PHACTR4: variants seen among roughly 807,000 people sequenced by gnomAD.
PHACTR4 encodes phosphatase and actin regulator 4, also known as protein phosphatase 1, regulatory subunit 124.
Under a neutral mutation model 72.7 loss-of-function variants are expected in PHACTR4, and 51 were observed. The observed-to-expected ratio is 0.70, with a 90% CI of 0.56 to 0.89. The LOEUF (loss-of-function observed/expected upper bound fraction) is 0.89, where lower values mean the gene tolerates loss of function less well. Ranked by LOEUF, PHACTR4 falls within the 40% of genes least tolerant of loss-of-function variation. The pLI is 0.00. For missense variants in PHACTR4, 731 were observed against 861.8 expected (o/e 0.85, Z 1.90); for synonymous variants, 255 against 302.5 (o/e 0.84, Z 1.63).
rs1350519553 is a variant in PHACTR4 at position 28,396,844 on chromosome 1, TC to T, written c.-38-10565del. Among the ~76,000 whole-genome samples the T allele has an allele frequency of 1.2e-4, 10 of 80,732 alleles. No individual in the cohort carries two copies. In the East Asian group the frequency reaches 2.5e-3, roughly 20 times the overall value. The allele number at this position is 80,732 out of a possible 152,430, so 53.0% of individuals were successfully genotyped here. A position where few individuals can be genotyped will look rare whatever the true frequency, so the allele number is the denominator to read the frequency against. On this transcript the variant is annotated intron_variant, in intron 1 of 13. Coordinates refer to ENST00000373839, the MANE Select transcript of PHACTR4 (RefSeq NM_001048183.3). ...CGGCTAATTTCTTTCTTTCTTTCTTTCTTTTTTTTTTTTTTTTTTTGTATTT... is the reference window on the plus strand; with the variant it reads ...CGGCTAATTTCTTTCTTTCTTTCTTTTTTTTTTTTTTTTTTTTTTGTATTT...
intron 2 of PHACTR4, among the ~76,000 whole-genome samples, chr1:28,452,875 T>C (rs1251509811): frequency 6.7e-6 from 1 of 148,402 alleles, no homozygotes; most frequent in African/African-American, 2.5e-5. Context: ...TCCCAGCACT[T>C]TGGGAGGCCA....
chr1:28,434,382 C>T (rs1176966491), intron 2 of PHACTR4, among the ~76,000 whole-genome samples: 5 of 151,006 alleles, frequency 3.3e-5, no homozygotes, highest in Non-Finnish European at 5.9e-5. Flanking sequence ...AATGCAGTAG[C>T]GCTATCTTGG....
At chr1:28,399,587 A>AT (rs1374384470) in intron 1 of PHACTR4, among the ~76,000 whole-genome samples, 10 of 152,058 alleles carry the variant, frequency 6.6e-5, no homozygotes, top group African/African-American at 2.4e-4. Context: ...GTGTTCATTT[A>AT]TTTATTCAGT....
chr1:28,456,009 T>C (rs1357280474), intron 2 of PHACTR4, among the ~76,000 whole-genome samples: 1 of 152,190 alleles, frequency 6.6e-6, no homozygotes, highest in Non-Finnish European at 1.5e-5. Flanking sequence ...ATTTTTTTTA[T>C]ACATATTTTG....
intron 1 of PHACTR4, among the ~76,000 whole-genome samples, chr1:28,378,484 CAG>C (rs1158968778): frequency 6.6e-6 from 1 of 151,226 alleles, no homozygotes; most frequent in Non-Finnish European, 1.5e-5. Context: ...GCCTGGGTGA[CAG>C]AGTGAGACTT....
At chr1:28,452,663 G>A (rs1481841232) in intron 2 of PHACTR4, among the ~76,000 whole-genome samples, 1 of 151,490 alleles carries the variant, frequency 6.6e-6, no homozygotes, top group Non-Finnish European at 1.5e-5. Flanking sequence ...GGGCGTGGTG[G>A]TACACGCCTA....
At chr1:28,438,448 G>A in intron 2 of PHACTR4, 1 of 1,611,828 alleles carries the variant, frequency 6.2e-7, no homozygotes, top group African/African-American at 1.3e-5. Context: ...ATAGAAGGCA[G>A]AGAAACAGAA....
chr1:28,476,028 T>C lies in PHACTR4; in HGVS notation c.1422-79T>C, dbSNP rs572954988. 3 of 1,399,898 alleles carry C rather than the reference T, an allele frequency of 2.1e-6. No homozygotes were observed. In the East Asian group the frequency reaches 7.6e-5, roughly 36 times the overall value. 86.7% of individuals were successfully genotyped at this position (1,399,898 alleles called of 1,614,324 possible). Reference sequence around the variant, plus strand: ...CAGCCATGAGCCACCACGCCCAGTCTTTATTTCAGTCCTTTGTCTTAAAAG... The same window carrying C: ...CAGCCATGAGCCACCACGCCCAGTCCTTATTTCAGTCCTTTGTCTTAAAAG... On this transcript the variant is annotated intron_variant, in intron 7 of 13. Transcript: ENST00000373839.
intron 1 of PHACTR4, among the ~76,000 whole-genome samples, chr1:28,378,677 A>C (rs1203448212): frequency 2.2e-5 from 3 of 139,328 alleles, no homozygotes; most frequent in Admixed American, 7.8e-5. Flanking sequence ...GAGAGGTTTG[A>C]CATGTTTGAA....
At chr1:28,458,995 C>A in intron 2 of PHACTR4, 90 bp from the exon 3 acceptor site, 1 of 1,212,558 alleles carries the variant, frequency 8.2e-7, no homozygotes. Flanking sequence ...TCCTTTCCAA[C>A]TACCACAGGA....
intron 5 of PHACTR4, 104 bp downstream of exon 5, chr1:28,465,953 AC>A: frequency 4.3e-6 from 5 of 1,172,130 alleles, no homozygotes; most frequent in Non-Finnish European, 5.9e-6. Flanking sequence ...AGAGAGAATT[AC>A]ATTCTCCTTT....
chr1:28,414,427 C>CAAAAAAAA (rs765271793), intron 2 of PHACTR4, among the ~76,000 whole-genome samples: 1 of 61,230 alleles, frequency 1.6e-5, no homozygotes, highest in African/African-American at 5.0e-5. Flanking sequence ...TCCTCTGTCT[C>CAAAAAAAA]AAAAAAAAAA....
At chr1:28,482,751 G>A (rs1425213474) in intron 9 of PHACTR4, among the ~76,000 whole-genome samples, 2 of 151,488 alleles carry the variant, frequency 1.3e-5, no homozygotes, top group Non-Finnish European at 2.9e-5. Context: ...AGCAACCCGG[G>A]CAACAAAGTG....
intron 1 of PHACTR4, among the ~76,000 whole-genome samples, chr1:28,394,837 C>G (rs960290151): frequency 2.6e-5 from 4 of 151,654 alleles, no homozygotes; most frequent in African/African-American, 9.7e-5. Flanking sequence ...CTCAGGTGTT[C>G]CACCTGCCTC....
intron 2 of PHACTR4, among the ~76,000 whole-genome samples, chr1:28,427,197 T>C (rs1655924267): frequency 6.6e-6 from 1 of 152,154 alleles, no homozygotes; most frequent in Admixed American, 6.6e-5. Context: ...CTTGGAAATG[T>C]TGCTTTTTGT....
At chr1:28,483,827 A>G (rs1482019248) in intron 9 of PHACTR4, among the ~76,000 whole-genome samples, 1 of 150,540 alleles carries the variant, frequency 6.6e-6, no homozygotes, top group Non-Finnish European at 1.5e-5. Flanking sequence ...AAAGAGAGAG[A>G]TAAATCAGCC....
intron 2 of PHACTR4, among the ~76,000 whole-genome samples, chr1:28,452,402 C>G (rs1172076888): frequency 6.6e-6 from 1 of 152,038 alleles, no homozygotes; most frequent in Non-Finnish European, 1.5e-5. Context: ...GCTACTCAGA[C>G]AGCTGAGGTG....
intron 2 of PHACTR4, among the ~76,000 whole-genome samples, chr1:28,423,144 G>A (rs1033158530): frequency 4.6e-5 from 7 of 152,124 alleles, no homozygotes; most frequent in South Asian, 2.1e-4. Context: ...TGGGCATGGC[G>A]GCTCATGCCT....
intron 1 of PHACTR4, among the ~76,000 whole-genome samples, chr1:28,390,336 T>C (rs549465433): frequency 1.7e-4 from 26 of 152,300 alleles, no homozygotes; most frequent in African/African-American, 5.1e-4. Flanking sequence ...CTTTTACTTA[T>C]ATATGGAATC....
Sources: gnomAD v4.1 joint callset for allele counts (sites outside exome capture counted in the v4.1 genomes callset) on GRCh38, gnomAD v4.1.1 for gene constraint, MANE v1.5 for transcripts, NCBI Gene and HGNC (gene_info 2026-07-23, HGNC 2026-07-21) for gene names.